Variants in FAM13B observed in about 807,000 individuals in gnomAD.
FAM13B encodes the protein family with sequence similarity 13 member B.
In FAM13B, 60 loss-of-function variants were observed where a neutral mutation model predicts 117.3. The ratio of observed to expected loss-of-function variants is 0.51; its 90% CI spans 0.42 to 0.63. The LOEUF (loss-of-function observed/expected upper bound fraction) is 0.63, where lower values mean the gene tolerates loss of function less well. FAM13B is among the 30% of genes least tolerant of loss of function. FAM13B has a pLI of 0.00. For missense variants in FAM13B, 972 were observed against 1,091.9 expected (o/e 0.89, Z 1.55); for synonymous variants, 332 against 356.1 (o/e 0.93, Z 0.76).
At position 137,946,395 on chromosome 5, in the gene FAM13B, C is replaced by T; in HGVS notation, c.2161-84G>A. ...CTCCACTGGCACCATTAATATTCTC[C>T]TCACTCCCACAATGTAAATAATTAG... On this transcript the variant is annotated intron_variant, in intron 18 of 23. Transcript: ENST00000689681. The T allele has an allele frequency of 4.9e-6, 4 of 815,644 alleles. No homozygotes were observed. In the South Asian group the frequency reaches 6.7e-5, roughly 14 times the overall value. The allele number at this position is 815,644 out of a possible 1,614,324, so 50.5% of individuals were successfully genotyped here. A position where few individuals can be genotyped will look rare whatever the true frequency, so the allele number is the denominator to read the frequency against.
At chr5:137,970,199 G>A (rs1219885319) in intron 10 of FAM13B, among the ~76,000 whole-genome samples, 5 of 151,614 alleles carry the variant, frequency 3.3e-5, no homozygotes, top group African/African-American at 9.7e-5. Flanking sequence ...AATGTTAAGG[G>A]CAGCCAGAGA....
chr5:138,011,959 A>T lies in FAM13B; in HGVS notation c.371-14T>A, dbSNP rs558637391. 1.5e-5 allele frequency: 23 copies of T among 1,545,550 alleles called. No individual in the cohort carries two copies. Among genetic ancestry groups the T allele is most frequent in the Non-Finnish European group, 2.0e-5 (23 of 1,147,110 alleles). On this transcript the variant is annotated splice_polypyrimidine_tract_variant and intron_variant, in intron 4 of 23. Transcript: ENST00000689681. Reference sequence around the variant, plus strand: ...CATTATTATAATCTATAAAACAATAATAACAGGTTTTTTTCAATAAAGGAA... The same window carrying T: ...CATTATTATAATCTATAAAACAATATTAACAGGTTTTTTTCAATAAAGGAA...
rs1200289047 is a variant in FAM13B at position 137,970,907 on chromosome 5, C to T, written c.1180-8438G>A. 2.0e-5 allele frequency among the ~76,000 whole-genome samples: 3 copies of T among 152,088 alleles called. No individual in the cohort carries two copies. In the South Asian group the frequency reaches 6.3e-4, roughly 32 times the overall value. ...AAAGGGATCAATTCAACAAGAAGAG[C>T]TAACTATCCTAAATATATATGCACC... On this transcript the variant is annotated intron_variant, in intron 10 of 23. Coordinates refer to ENST00000689681, the MANE Select transcript of FAM13B (RefSeq NM_001385994.1).
At position 137,954,161 on chromosome 5, in the gene FAM13B, T is replaced by C. The variant is rs1191869178; in HGVS notation, c.1718+5A>G. The C allele has an allele frequency of 9.3e-6, 15 of 1,607,958 alleles. No homozygotes were observed. Among genetic ancestry groups the C allele is most frequent in the Admixed American group, 1.7e-5 (1 of 59,680 alleles). ...GCCTCTTGTAAGTACATAAAAATCATATACCTAGTAAAAGACAGTGCTTTA... is the reference window on the plus strand; with the variant it reads ...GCCTCTTGTAAGTACATAAAAATCACATACCTAGTAAAAGACAGTGCTTTA... On this transcript the variant is annotated splice_donor_5th_base_variant and intron_variant, in intron 15 of 23. Coordinates refer to ENST00000689681, the MANE Select transcript of FAM13B (RefSeq NM_001385994.1).
chr5:137,995,674 T>G (rs1340113926), intron 7 of FAM13B, among the ~76,000 whole-genome samples: 1 of 152,162 alleles, frequency 6.6e-6, no homozygotes, highest in Admixed American at 6.5e-5. Flanking sequence ...CCCATCAACT[T>G]AGGAGTATTT....
In FAM13B at chr5:137,967,924, T is replaced by C. The variant is rs772755060; in HGVS notation, c.1180-5455A>G. On this transcript the variant is annotated intron_variant, in intron 10 of 23. Coordinates refer to ENST00000689681, the MANE Select transcript of FAM13B (RefSeq NM_001385994.1). Reference sequence around the variant, plus strand: ...ATAGAATAAAAAGACTTAACATTTCTATAAAAATGTCAATGTAGGCCAGGC... The same window carrying C: ...ATAGAATAAAAAGACTTAACATTTCCATAAAAATGTCAATGTAGGCCAGGC... Among the ~76,000 whole-genome samples, 81 of 151,898 alleles carry C rather than the reference T, an allele frequency of 5.3e-4. 1 individual carries two copies. Among genetic ancestry groups the C allele is most frequent in the Admixed American group, 1.0e-3 (16 of 15,260 alleles).
chr5:137,952,552 G>A (rs1581070829), intron 17 of FAM13B, 76 bp downstream of exon 17: 1 of 906,832 alleles, frequency 1.1e-6, no homozygotes, highest in Middle Eastern at 3.2e-4. Context: ...ATCAAAAGTT[G>A]TATTTGTGAT....
chr5:138,023,813 G>C (rs1787446977), intron 1 of FAM13B, among the ~76,000 whole-genome samples: 1 of 152,150 alleles, frequency 6.6e-6, no homozygotes, highest in Admixed American at 6.5e-5. Flanking sequence ...ACCCACTTCA[G>C]CCTCCCAAGG....
rs865995187 is a variant in FAM13B at position 138,032,925 on chromosome 5, G to C, written c.-346C>G. 98 of 986,000 alleles carry C rather than the reference G, an allele frequency of 9.9e-5. No homozygotes were observed. In the Middle Eastern group the frequency reaches 4.2e-3, roughly 42 times the overall value. 61.1% of individuals were successfully genotyped at this position (986,000 alleles called of 1,614,324 possible). ...GGGCGGCCGCTGACGGGAGGTTAAA[G>C]CTACGGCTGTGGCGCGGGGCCAGCC... On this transcript the variant is annotated 5_prime_UTR_variant, in exon 1 of 24. Transcript: ENST00000689681.
intron 7 of FAM13B, among the ~76,000 whole-genome samples, chr5:137,996,211 C>A (rs1198143619): frequency 1.3e-5 from 2 of 152,140 alleles, no homozygotes; most frequent in Non-Finnish European, 2.9e-5. Context: ...TCTTGGCTCA[C>A]TGCAAGCTCT....
At chr5:138,002,115 T>G (rs762916352) in intron 7 of FAM13B, among the ~76,000 whole-genome samples, 1 of 152,168 alleles carries the variant, frequency 6.6e-6, no homozygotes, top group African/African-American at 2.4e-5. Context: ...ATGATCTTAG[T>G]TTTTAAAACA....
At chr5:137,967,051 C>T (rs4835739) in intron 10 of FAM13B, among the ~76,000 whole-genome samples, 1,901 of 150,888 alleles carry the variant, frequency 0.013, 17 homozygotes, top group Non-Finnish European at 0.018. Flanking sequence ...AGAAAGTTAG[C>T]TTATAATCTC....
chr5:138,000,944 A>AAAC (rs1781103126), intron 7 of FAM13B, among the ~76,000 whole-genome samples: 1 of 65,994 alleles, frequency 1.5e-5, no homozygotes, highest in Non-Finnish European at 3.3e-5. Context: ...AACAAAAAAC[A>AAAC]AAAAAAAAAA....
chr5:137,958,551 T>C (rs1375489639), intron 13 of FAM13B, among the ~76,000 whole-genome samples: 2 of 152,210 alleles, frequency 1.3e-5, no homozygotes, highest in Non-Finnish European at 2.9e-5. Context: ...ATTCCTGTTA[T>C]TGCCAGTGTA....
At chr5:137,955,538 C>T (rs1021933819) in intron 14 of FAM13B, among the ~76,000 whole-genome samples, 1 of 152,152 alleles carries the variant, frequency 6.6e-6, no homozygotes, top group African/African-American at 2.4e-5. Flanking sequence ...AGAACACATA[C>T]AGATCATACA....
intron 7 of FAM13B, among the ~76,000 whole-genome samples, chr5:137,991,323 G>C (rs1778559492): frequency 6.6e-6 from 1 of 152,194 alleles, no homozygotes; most frequent in South Asian, 2.1e-4. Flanking sequence ...ATCAGAAATT[G>C]TCTTTATATG....
rs142799241 is a variant in FAM13B at position 138,020,287 on chromosome 5, T to C, written c.-36+744A>G. On this transcript the variant is annotated intron_variant, in intron 2 of 23. Transcript: ENST00000689681. ...GTTGGCCAGGCTGGTCTTGAACTCC[T>C]GACCTCATGTGATCAGCCAGCCTCA... Among the ~76,000 whole-genome samples, 235 of 152,310 alleles carry C rather than the reference T, an allele frequency of 1.5e-3. 5 individuals are homozygous for C. In the East Asian group the frequency reaches 0.043, roughly 28 times the overall value.
intron 10 of FAM13B, among the ~76,000 whole-genome samples, chr5:137,983,490 T>C (rs1286208297): frequency 6.6e-6 from 1 of 152,094 alleles, no homozygotes; most frequent in East Asian, 1.9e-4. Context: ...AGGGTGTATG[T>C]GCTAGAATGG....
intron 10 of FAM13B, among the ~76,000 whole-genome samples, chr5:137,976,566 C>T (rs563143671): frequency 1.3e-5 from 2 of 152,236 alleles, no homozygotes; most frequent in East Asian, 1.9e-4. Flanking sequence ...TCAGGGACCC[C>T]GAATGGAGGG....
Sources: gnomAD v4.1 joint callset for allele counts (sites outside exome capture counted in the v4.1 genomes callset) on GRCh38, gnomAD v4.1.1 for gene constraint, MANE v1.5 for transcripts, NCBI Gene and HGNC (gene_info 2026-07-23, HGNC 2026-07-21) for gene names.